Variants in PHYKPL observed in about 807,000 individuals in gnomAD.
PHYKPL encodes the protein 5-phosphohydroxy-L-lysine phospho-lyase, also known as 5-phosphonooxy-L-lysine phospho-lyase.
In PHYKPL, 42 loss-of-function variants were observed where a neutral mutation model predicts 51.3. That is an observed-to-expected ratio of 0.82 (90% CI 0.64 to 1.06). The LOEUF is 1.06. Ranked by LOEUF, PHYKPL falls within the 50% of genes least tolerant of loss-of-function variation. PHYKPL has a pLI of 0.00. For missense variants in PHYKPL, 655 were observed against 586.6 expected, an observed-to-expected ratio of 1.12 and a Z score of -1.20; for synonymous variants, 264 against 236.0, an observed-to-expected ratio of 1.12 and a Z score of -1.09.
chr5:178,211,223 G>GGA (rs1410150112), intron 12 of PHYKPL: 1 of 146,912 alleles, frequency 6.8e-6, no homozygotes, highest in African/African-American at 2.8e-5. Context: ...AGGGAGGCGG[G>GGA]GGGGGGGTGC....
At chr5:178,230,781 T>C (rs1763227146) in intron 2 of PHYKPL, 1 of 154,670 alleles carries the variant, frequency 6.5e-6, no homozygotes, top group Non-Finnish European at 1.4e-5. Flanking sequence ...CCAAACACCT[T>C]AAAGTGGGTA....
intron 8 of PHYKPL, among the ~76,000 whole-genome samples, chr5:178,220,211 AAAG>A (rs1314988160): frequency 6.7e-6 from 1 of 149,624 alleles, no homozygotes; most frequent in Non-Finnish European, 1.5e-5. Flanking sequence ...AAAAAAAAAA[AAAG>A]AATGCCGGAT....
rs1358992466 is a variant in PHYKPL, at chr5:178,211,934, C to G, written c.1340G>C (p.Arg447Thr). The change falls in exon 12 of 13, where the codon AGG (arginine) becomes ACG (threonine). Residue 447 changes from arginine to threonine, a missense_variant. Physicochemically the swap from Arg to Thr is moderately conservative, Grantham distance 71. Coordinates refer to ENST00000308158, the MANE Select transcript of PHYKPL (RefSeq NM_153373.4). ...AGCAGGGCTGGCTTAGGGCTGGAGCCTCAGCGTTTCACAACTTCTCACCTT... is the reference window on the plus strand; with the variant it reads ...AGCAGGGCTGGCTTAGGGCTGGAGCGTCAGCGTTTCACAACTTCTCACCTT... ...EEKVRSCETL[R>T]LQP The G allele has an allele frequency of 1.2e-6, 2 of 1,614,078 alleles. No homozygotes were observed. Among genetic ancestry groups the G allele is most frequent in the Non-Finnish European group, 1.7e-6 (2 of 1,180,028 alleles).
At chr5:178,211,295 T>TG (rs1259860968) in intron 12 of PHYKPL, 1 of 153,558 alleles carries the variant, frequency 6.5e-6, no homozygotes, top group South Asian at 2.0e-4. Flanking sequence ...GGCCCAGTTG[T>TG]GGGGGTATCC....
rs964833215 is a variant in PHYKPL at position 178,209,423 on chromosome 5, A to G, written c.*32-508T>C. 1.9e-6 allele frequency: 3 copies of G among 1,614,060 alleles called. No homozygotes were observed. In the Admixed American group the frequency reaches 5.0e-5, roughly 27 times the overall value. On this transcript the variant is annotated intron_variant, in intron 12 of 12. Coordinates refer to ENST00000308158, the MANE Select transcript of PHYKPL (RefSeq NM_153373.4). Reference sequence around the variant, plus strand: ...AAACCGCAACCGAGGGAACCGAGGCAGCGGAGGTGGTGGTGGAGGTGGAGG... The same window carrying G: ...AAACCGCAACCGAGGGAACCGAGGCGGCGGAGGTGGTGGTGGAGGTGGAGG...
intron 12 of PHYKPL, 56 bp downstream of exon 12, chr5:178,211,834 C>CTG (rs1554105035): frequency 7.7e-7 from 1 of 1,305,566 alleles, no homozygotes; most frequent in Non-Finnish European, 1.1e-6. Context: ...CTGCTTGCTG[C>CTG]TGATGGTAAG....
chr5:178,225,950 C>G (rs1199613002), intron 3 of PHYKPL: 1 of 157,516 alleles, frequency 6.3e-6, no homozygotes, highest in Non-Finnish European at 1.4e-5. Context: ...GCCTCTGGAA[C>G]TTCTTTTTTT....
At chr5:178,211,801 A>G in intron 12 of PHYKPL, 89 bp downstream of exon 12, 1 of 913,200 alleles carries the variant, frequency 1.1e-6, no homozygotes, top group Non-Finnish European at 1.7e-6. Flanking sequence ...AAAAGTCTTA[A>G]AAAAAGGCTC....
intron 12 of PHYKPL, chr5:178,209,270 T>A: frequency 7.8e-7 from 1 of 1,290,222 alleles, no homozygotes; most frequent in Non-Finnish European, 1.1e-6. Context: ...TGAAGGTGTT[T>A]GGGCAGTCAC....
Position 178,232,734 on chromosome 5 carries a change from C to T in PHYKPL, c.-184G>A. ...TTCATTTCTTCGCTTGCCCACTGGG[C>T]CTGGCAGCCTTCCGGCCCGTGGTCG... On this transcript the variant is annotated 5_prime_UTR_variant, in exon 1 of 13. Coordinates refer to ENST00000308158, the MANE Select transcript of PHYKPL (RefSeq NM_153373.4). 3.3e-6 allele frequency: 2 copies of T among 598,050 alleles called. No homozygotes were observed. The highest frequency in any genetic ancestry group is 4.6e-5 in the Admixed American group (1 of 21,932). The allele number at this position is 598,050 out of a possible 1,614,324, so 37.0% of individuals were successfully genotyped here. A position where few individuals can be genotyped will look rare whatever the true frequency, so the allele number is the denominator to read the frequency against.
chr5:178,208,449 G>GT (rs1757215276), downstream of PHYKPL: 1 of 152,218 alleles, frequency 6.6e-6, no homozygotes, highest in Admixed American at 6.5e-5. Flanking sequence ...CTAAGGCAGA[G>GT]TTTAAGTGAA....
rs894274759 is a variant in PHYKPL at position 178,215,306 on chromosome 5, T to A, written c.1052A>T (p.Lys351Ile). Residue 351 changes from lysine (K) to isoleucine (I), a missense_variant, in exon 9 of 13, where the codon AAA (lysine) becomes ATA (isoleucine). Transcript: ENST00000308158. ...SFLMQLLGQQ[K>I]IKHPIVGDVR... ...ATCCCCGACGATGGGATGTTTGATTTTTTGCTGCCCGAGGAGCTGCATCAG... is the reference window on the plus strand; with the variant it reads ...ATCCCCGACGATGGGATGTTTGATTATTTGCTGCCCGAGGAGCTGCATCAG... 1 of 1,613,902 alleles carries A rather than the reference T, an allele frequency of 6.2e-7. No homozygotes were observed. The highest frequency in any genetic ancestry group is 8.5e-7 in the Non-Finnish European group (1 of 1,179,976).
At position 178,215,154 on chromosome 5, in the gene PHYKPL, G is replaced by A. The variant is rs574902145; in HGVS notation, c.1082+122C>T. On this transcript the variant is annotated intron_variant, in intron 9 of 12. Coordinates refer to ENST00000308158, the MANE Select transcript of PHYKPL (RefSeq NM_153373.4). ...CCGTTTTGGGCAATAGCACCTCTCAGTGTCTCAGTTCCTCTTGAGAGCGGA... is the reference window on the plus strand; with the variant it reads ...CCGTTTTGGGCAATAGCACCTCTCAATGTCTCAGTTCCTCTTGAGAGCGGA... 4.0e-6 allele frequency: 6 copies of A among 1,485,806 alleles called. 1 individual carries two copies. The South Asian group carries it at 5.9e-5, about 15-fold the overall frequency. The allele number at this position is 1,485,806 out of a possible 1,614,324, so 92.0% of individuals were successfully genotyped here. A position where few individuals can be genotyped will look rare whatever the true frequency, so the allele number is the denominator to read the frequency against.
intron 12 of PHYKPL, chr5:178,210,756 C>T (rs949684474): frequency 7.0e-6 from 5 of 712,780 alleles, no homozygotes; most frequent in Non-Finnish European, 2.5e-6. Context: ...AAAATTTCCC[C>T]CATGGAAATC....
chr5:178,212,135 A>C (rs1758646443), intron 11 of PHYKPL, among the ~76,000 whole-genome samples, 165 bp from the exon 12 acceptor site: 1 of 152,218 alleles, frequency 6.6e-6, no homozygotes. Context: ...CCTGAAAAAC[A>C]AAGCCAGCCC....
At chr5:178,231,286 A>G (rs981483355) in intron 2 of PHYKPL, 119 bp downstream of exon 2, 2 of 1,509,806 alleles carry the variant, frequency 1.3e-6, no homozygotes, top group Non-Finnish European at 1.8e-6. Flanking sequence ...CTGCATACTG[A>G]CAGTGCCTCA....
intron 12 of PHYKPL, chr5:178,211,220 C>CG (rs56204741): frequency 0.15 from 21,128 of 139,686 alleles, 1,595 homozygotes; most frequent in East Asian, 0.21. Context: ...TCGAGGGAGG[C>CG]GGGGGGGGGG....
At chr5:178,217,558 G>GAAA (rs869086983) in intron 8 of PHYKPL, among the ~76,000 whole-genome samples, 1 of 123,804 alleles carries the variant, frequency 8.1e-6, no homozygotes, top group Non-Finnish European at 1.7e-5. Context: ...AAGAATCAGT[G>GAAA]AAAAAAAAAA....
chr5:178,210,474 CTGGGAAGA>C (rs1234930476), intron 12 of PHYKPL: 1 of 1,510,780 alleles, frequency 6.6e-7, no homozygotes, highest in East Asian at 2.3e-5. Flanking sequence ...GGTGAGGGTC[CTGGGAAGA>C]TGCATATCAA....
Sources: gnomAD v4.1 joint callset for allele counts (sites outside exome capture counted in the v4.1 genomes callset) on GRCh38, gnomAD v4.1.1 for gene constraint, MANE v1.5 for transcripts, NCBI Gene and HGNC (gene_info 2026-07-23, HGNC 2026-07-21) for gene names.